KLHL13: variants seen among roughly 807,000 people sequenced by gnomAD.
KLHL13 encodes the protein kelch like family member 13.
KLHL13 carries 10 observed loss-of-function variants against 37.1 expected under a neutral mutation model. The ratio of observed to expected loss-of-function variants is 0.27; its 90% CI spans 0.17 to 0.46. KLHL13 has a LOEUF of 0.46. Among genes scored for constraint, KLHL13 ranks in the 20% least tolerant of loss-of-function variants. KLHL13 has a pLI of 1.00. For missense variants in KLHL13, 360 were observed against 509.3 expected (o/e 0.71, Z 2.82); for synonymous variants, 163 against 181.2 (o/e 0.90, Z 0.81).
At chrX:117,991,590 C>G (rs1468028996) in intron 1 of KLHL13, among the ~76,000 whole-genome samples, 1 of 110,972 alleles carries the variant, frequency 9.0e-6, no homozygotes, top group Admixed American at 9.6e-5. Context: ...CCCACCTTAT[C>G]TATTCAACCC....
chrX:118,021,696 A>G (rs2054216079), intron 1 of KLHL13, among the ~76,000 whole-genome samples: 1 of 108,872 alleles, frequency 9.2e-6, no homozygotes, highest in Non-Finnish European at 1.9e-5. Context: ...GTCGCAATAA[A>G]CATACGTGTG....
At chrX:117,983,214 C>T (rs2053683362) in intron 1 of KLHL13, among the ~76,000 whole-genome samples, 1 of 111,440 alleles carries the variant, frequency 9.0e-6, no homozygotes, top group Non-Finnish European at 1.9e-5. Flanking sequence ...ATGCTGCTTT[C>T]CTTGCCCGTC....
intron 2 of KLHL13, 68 bp from the exon 4 acceptor site, chrX:117,920,438 A>C (rs1931628335): frequency 1.9e-6 from 2 of 1,048,637 alleles, no homozygotes; most frequent in African/African-American, 1.9e-5. Flanking sequence ...CGTGTGCTAA[A>C]ATTGTTTGAA....
chrX:118,010,597 G>T (rs1414330924), intron 1 of KLHL13, among the ~76,000 whole-genome samples: 28 of 67,672 alleles, frequency 4.1e-4, no homozygotes, highest in African/African-American at 1.5e-3. Context: ...TGGTGGGGTG[G>T]GGGGAGGGGG....
intron 1 of KLHL13, among the ~76,000 whole-genome samples, chrX:118,021,416 T>C (rs1185287111): frequency 9.4e-6 from 1 of 106,009 alleles, no homozygotes; most frequent in Non-Finnish European, 1.9e-5. Context: ...CAGGCCCTGG[T>C]GTGTGATGTT....
At chrX:118,098,559 G>A (rs1441449930) in intron 1 of KLHL13, among the ~76,000 whole-genome samples, 2 of 110,197 alleles carry the variant, frequency 1.8e-5, no homozygotes, top group Non-Finnish European at 3.8e-5. Flanking sequence ...ATTTGACCCA[G>A]CCATCCCATT....
At chrX:118,052,599 G>C (rs1285181584) in intron 1 of KLHL13, among the ~76,000 whole-genome samples, 1 of 108,312 alleles carries the variant, frequency 9.2e-6, no homozygotes, top group East Asian at 2.9e-4. Flanking sequence ...AGGCCGAGGT[G>C]GGCAGATCAT....
rs753942399 is a variant in KLHL13 at position 118,091,172 on chromosome X, A to T, written c.-56+25336T>A. On this transcript the variant is annotated intron_variant, in intron 1 of 6. Coordinates refer to the KLHL13 transcript ENST00000371882. Reference sequence around the variant, plus strand: ...AGGGATAGCATTAGGAGATATACCTAATGTTAAATGACGAGTTAATGGGTG... The same window carrying T: ...AGGGATAGCATTAGGAGATATACCTTATGTTAAATGACGAGTTAATGGGTG... Among the ~76,000 whole-genome samples, 5 of 106,020 alleles carry T rather than the reference A, an allele frequency of 4.7e-5. No homozygotes were observed. In the East Asian group the frequency reaches 1.6e-3, roughly 33 times the overall value. The allele number at this position is 106,020 out of a possible 115,157, so 92.1% of individuals were successfully genotyped here. A position where few individuals can be genotyped will look rare whatever the true frequency, so the allele number is the denominator to read the frequency against.
At chrX:118,022,162 T>C (rs1023112301) in intron 1 of KLHL13, among the ~76,000 whole-genome samples, 8 of 111,946 alleles carry the variant, frequency 7.1e-5, no homozygotes, top group African/African-American at 2.6e-4. Context: ...TTGTAAAAAT[T>C]TTCTCTAGGC....
intron 1 of KLHL13, among the ~76,000 whole-genome samples, chrX:118,055,279 C>T (rs1462772910): frequency 8.9e-6 from 1 of 111,780 alleles, no homozygotes; most frequent in East Asian, 2.8e-4. Context: ...CACAGTTCAA[C>T]AATAGATCAA....
intron 1 of KLHL13, chrX:117,985,467 T>A: frequency 3.9e-5 from 19 of 485,697 alleles, no homozygotes; most frequent in South Asian, 1.1e-4. Context: ...AAAAAAAACC[T>A]ATGTACTGCA....
exon 7 of KLHL13, chrX:117,899,138 C>T: frequency 8.3e-7 from 1 of 1,211,908 alleles, no homozygotes; most frequent in Non-Finnish European, 1.1e-6. Flanking sequence ...GCGACCCCAA[C>T]ATCACTCTGC....
At chrX:118,096,784 C>T (rs955453741) in intron 1 of KLHL13, among the ~76,000 whole-genome samples, 1 of 111,767 alleles carries the variant, frequency 8.9e-6, no homozygotes, top group African/African-American at 3.3e-5. Context: ...ATACGCAAAT[C>T]AATAAACGTA....
At chrX:118,069,555 AAC>A (rs931785378) in intron 1 of KLHL13, among the ~76,000 whole-genome samples, 4 of 110,949 alleles carry the variant, frequency 3.6e-5, no homozygotes, top group African/African-American at 1.3e-4. Context: ...ACAAATAAAA[AAC>A]AATATTAATT....
intron 2 of KLHL13, among the ~76,000 whole-genome samples, chrX:117,938,946 ATTT>A (rs200951166): frequency 2.8e-5 from 3 of 106,881 alleles, no homozygotes; most frequent in Non-Finnish European, 3.9e-5. Flanking sequence ...AGAGGGATTT[ATTT>A]TTTTTTTATA....
chrX:117,926,951 G>T (rs1200280154), intron 2 of KLHL13, among the ~76,000 whole-genome samples: 2 of 86,383 alleles, frequency 2.3e-5, no homozygotes, highest in African/African-American at 8.8e-5. Flanking sequence ...TGTCGCCCAG[G>T]CTGGAGTGCA....
At chrX:117,908,399 C>G (rs1042038683) in intron 5 of KLHL13, among the ~76,000 whole-genome samples, 1 of 108,778 alleles carries the variant, frequency 9.2e-6, no homozygotes, top group Non-Finnish European at 1.9e-5. Flanking sequence ...CCCTAGCCCC[C>G]CAACCCCAGA....
chrX:117,948,104 A>T (rs1933410726), intron 1 of KLHL13, among the ~76,000 whole-genome samples: 1 of 108,418 alleles, frequency 9.2e-6, no homozygotes, highest in Non-Finnish European at 1.9e-5. Flanking sequence ...TCACTGTCAC[A>T]ACTGGGGATG....
chrX:117,964,676 T>C (rs1010988786), intron 1 of KLHL13, among the ~76,000 whole-genome samples: 7 of 111,657 alleles, frequency 6.3e-5, no homozygotes, highest in Admixed American at 3.8e-4. Flanking sequence ...CATGTTGGTG[T>C]GCTGCACCCA....
Sources: gnomAD v4.1 joint callset for allele counts (sites outside exome capture counted in the v4.1 genomes callset) on GRCh38, gnomAD v4.1.1 for gene constraint, MANE v1.5 for transcripts, NCBI Gene and HGNC (gene_info 2026-07-23, HGNC 2026-07-21) for gene names.